Variants in TIMP2 observed in about 807,000 individuals in gnomAD.
TIMP2 encodes TIMP metallopeptidase inhibitor 2.
In TIMP2, 5 loss-of-function variants were observed where a neutral mutation model predicts 24.3. That is an observed-to-expected ratio of 0.21 (90% CI 0.11 to 0.43). The LOEUF is 0.43. TIMP2 is among the 20% of genes least tolerant of loss of function. The pLI, the probability that TIMP2 is intolerant of heterozygous loss-of-function variation, is 1.00. For synonymous variants in TIMP2, 130 were observed against 123.2 expected (o/e 1.06, Z -0.37); for missense variants, 221 against 297.5 (o/e 0.74, Z 1.89).
chr17:78,917,748 G>A (rs1280051473), intron 1 of TIMP2, among the ~76,000 whole-genome samples: 2 of 152,204 alleles, frequency 1.3e-5, no homozygotes, highest in East Asian at 1.9e-4. Flanking sequence ...GAGGCCAAAG[G>A]ACACTGATGG....
In TIMP2 at chr17:78,866,797, T is replaced by G. The variant is rs74725741; in HGVS notation, c.340+4101A>C. Among the ~76,000 whole-genome samples the G allele has an allele frequency of 5.9e-5, 9 of 152,268 alleles. 1 individual carries two copies. The East Asian group carries it at 1.7e-3, about 29-fold the overall frequency. On this transcript the variant is annotated intron_variant, in intron 3 of 4. Coordinates refer to ENST00000262768, the MANE Select transcript of TIMP2 (RefSeq NM_003255.5). ...CGGTTACACAGGGTCACACGTATGA[T>G]TCCGTTCCCAGGAAAGCCCAGCATA... is the stretch of plus-strand genomic sequence containing the variant.
intron 1 of TIMP2, among the ~76,000 whole-genome samples, chr17:78,913,660 A>G (rs1462786317): frequency 6.6e-6 from 1 of 152,072 alleles, no homozygotes; most frequent in Non-Finnish European, 1.5e-5. Context: ...GCAGTGAGCC[A>G]TGATCATGCC....
intron 1 of TIMP2, among the ~76,000 whole-genome samples, chr17:78,889,913 T>C (rs192600231): frequency 6.6e-6 from 1 of 150,688 alleles, no homozygotes; most frequent in African/African-American, 2.4e-5. Context: ...AGATCAGGAG[T>C]TCAAGACCAG....
At chr17:78,865,905 C>G (rs747133849) in intron 3 of TIMP2, among the ~76,000 whole-genome samples, 8 of 152,112 alleles carry the variant, frequency 5.3e-5, no homozygotes, top group Non-Finnish European at 1.2e-4. Flanking sequence ...AGAGTCCTTC[C>G]GCAGCGCTGC....
chr17:78,859,489 G>C (rs993200409), intron 3 of TIMP2, among the ~76,000 whole-genome samples: 1 of 151,938 alleles, frequency 6.6e-6, no homozygotes, highest in Non-Finnish European at 1.5e-5. Context: ...GCGAAACCCC[G>C]TCTCTACTAA....
At position 78,920,193 on chromosome 17, in the gene TIMP2, C is replaced by G. The variant is rs1424973524; in HGVS notation, c.130+4766G>C. 6.6e-6 allele frequency among the ~76,000 whole-genome samples: 1 copy of G among 152,184 alleles called. No homozygotes were observed. The highest frequency in any genetic ancestry group is 2.4e-5 in the African/African-American group (1 of 41,440). ...TCCCAGGAGTCATCTATGCCCTGTT[C>G]TCCATGTGCTCAGATGTCGCCACAG... On this transcript the variant is annotated intron_variant, in intron 1 of 4. Transcript: ENST00000262768. The surrounding 1 kb of genome is among the most constrained non-coding windows in gnomAD (Gnocchi z 4.5).
chr17:78,874,268 C>A, intron 1 of TIMP2: 1 of 232,254 alleles, frequency 4.3e-6, no homozygotes, highest in Non-Finnish European at 8.0e-6. Context: ...CTGTTGATAT[C>A]ATGCTTGAGT....
intron 1 of TIMP2, among the ~76,000 whole-genome samples, chr17:78,910,245 T>C (rs2070195886): frequency 6.6e-6 from 1 of 151,524 alleles, no homozygotes; most frequent in Non-Finnish European, 1.5e-5. Context: ...CAGGCTAGAG[T>C]GTGGTGGCGT....
At chr17:78,880,548 C>CA (rs200031095) in intron 1 of TIMP2, among the ~76,000 whole-genome samples, 1,526 of 149,786 alleles carry the variant, frequency 0.01, 8 homozygotes, top group Non-Finnish European at 0.015. Context: ...AAAACAAAAA[C>CA]AAAAAAAAAC....
intron 2 of TIMP2, 70 bp downstream of exon 2, chr17:78,873,749 C>G (rs1186416667): frequency 7.5e-7 from 1 of 1,337,862 alleles, no homozygotes; most frequent in Non-Finnish European, 1.1e-6. Context: ...GGGACCCAGG[C>G]TCTCTGCCAA....
chr17:78,859,977 A>G (rs1599144513), intron 3 of TIMP2, among the ~76,000 whole-genome samples: 1 of 151,918 alleles, frequency 6.6e-6, no homozygotes, highest in South Asian at 2.1e-4. Context: ...CAGTGACAAG[A>G]GCAAAACTCC....
chr17:78,860,425 GC>G (rs1445178823), intron 3 of TIMP2, among the ~76,000 whole-genome samples: 1 of 152,182 alleles, frequency 6.6e-6, no homozygotes, highest in Non-Finnish European at 1.5e-5. Flanking sequence ...TAGAAACACA[GC>G]CCAGCGAAGG....
At chr17:78,903,797 G>T (rs1202677063) in intron 1 of TIMP2, among the ~76,000 whole-genome samples, 2 of 152,064 alleles carry the variant, frequency 1.3e-5, no homozygotes, top group East Asian at 3.9e-4. Flanking sequence ...GACACTGGGG[G>T]AGTCTGGCCG....
At chr17:78,883,931 G>C (rs961564529) in intron 1 of TIMP2, among the ~76,000 whole-genome samples, 1 of 152,188 alleles carries the variant, frequency 6.6e-6, no homozygotes, top group African/African-American at 2.4e-5. Context: ...CAGAGCCTCC[G>C]GCTCGGCCCT....
chr17:78,867,034 G>A (rs193216773), intron 3 of TIMP2, among the ~76,000 whole-genome samples: 1 of 152,350 alleles, frequency 6.6e-6, no homozygotes, highest in East Asian at 1.9e-4. Context: ...GCCTAGGCGG[G>A]CAGATCACCT....
rs1259635065 is a variant in TIMP2 at position 78,853,951 on chromosome 17, T to A, written c.*1716A>T. The A allele has an allele frequency of 6.6e-6, 1 of 152,278 alleles. No individual in the cohort carries two copies. The highest frequency in any genetic ancestry group is 2.4e-5 in the African/African-American group (1 of 41,432). The allele number at this position is 152,278 out of a possible 1,614,324, so 9.4% of individuals were successfully genotyped here. On this transcript the variant is annotated 3_prime_UTR_variant, in exon 5 of 5. Transcript: ENST00000262768. ...TGACATCTTACCAACTTTAGGTCACTGTACAGCATGAAAACGCCCGTGGGG... is the reference window on the plus strand; with the variant it reads ...TGACATCTTACCAACTTTAGGTCACAGTACAGCATGAAAACGCCCGTGGGG...
intron 1 of TIMP2, chr17:78,892,284 G>T (rs1441712259): frequency 1.3e-6 from 2 of 1,550,752 alleles, no homozygotes; most frequent in Non-Finnish European, 1.7e-6. Context: ...CTCCAAAGCA[G>T]GTCTTCGTTA....
intron 3 of TIMP2, among the ~76,000 whole-genome samples, chr17:78,857,985 G>A (rs1014978076): frequency 1.5e-4 from 23 of 152,048 alleles, no homozygotes; most frequent in Admixed American, 1.2e-3. Flanking sequence ...CAGGAGAATC[G>A]CTCTTGCACC....
chr17:78,857,899 CT>C (rs1567990460), intron 3 of TIMP2, among the ~76,000 whole-genome samples: 1 of 151,488 alleles, frequency 6.6e-6, no homozygotes, highest in East Asian at 2.0e-4. Flanking sequence ...ATGAAACCCC[CT>C]CTCTACTAAA....
Sources: allele counts gnomAD v4.1 joint callset (sites outside exome capture counted in the v4.1 genomes callset), GRCh38; gene constraint gnomAD v4.1.1; non-coding constraint Gnocchi (gnomAD v3.1); transcripts MANE v1.5; gene names NCBI Gene and HGNC (gene_info 2026-07-23, HGNC 2026-07-21).